Variants in PCDHAC1 observed in about 807,000 individuals in gnomAD.
PCDHAC1 encodes protocadherin alpha subfamily C, 1, also known as protocadherin alpha-C1.
PCDHAC1 carries 42 observed loss-of-function variants against 60.0 expected under a neutral mutation model. That is an observed-to-expected ratio of 0.70 (90% CI 0.55 to 0.90). The LOEUF (loss-of-function observed/expected upper bound fraction) is 0.90. Ranked by LOEUF, PCDHAC1 falls within the 40% of genes least tolerant of loss-of-function variation. The pLI is 0.00. For missense variants in PCDHAC1, 1,160 were observed against 1,222.3 expected (o/e 0.95, Z 0.76); for synonymous variants, 468 against 499.3 (o/e 0.94, Z 0.84).
Position 140,929,272 on chromosome 5 carries a change from T to G in PCDHAC1, c.2380T>G (p.Ser794Ala), listed in dbSNP as rs560527071. ...ATGVGLNLPI[S>A]CIQIRNRKGD... is the part of the protein sequence containing the mutation. Reference sequence around the variant, plus strand: ...TGGGGTAGGACTGAATTTGCCAATATCCTGTATTCAGATTCGGAATAGGAA... The same window carrying G: ...TGGGGTAGGACTGAATTTGCCAATAGCCTGTATTCAGATTCGGAATAGGAA... Residue 794 changes from serine to alanine, a missense_variant, in exon 1 of 4, where the codon TCC becomes GCC. By Grantham distance (99) the Ser-to-Ala change is moderately conservative. This residue lies in a region of PCDHAC1 where 1,113 missense variants were observed against 1,163.7 expected (regional missense o/e 0.96). Transcript: ENST00000253807. The G allele has an allele frequency of 1.3e-4, 206 of 1,607,152 alleles. 1 individual carries two copies. The South Asian group carries it at 2.1e-3, about 17-fold the overall frequency.
chr5:141,004,750 C>T (rs1205050665), intron 3 of PCDHAC1, among the ~76,000 whole-genome samples: 1 of 152,112 alleles, frequency 6.6e-6, no homozygotes, highest in Non-Finnish European at 1.5e-5. Flanking sequence ...GTCTCAGTCT[C>T]TTAGAGACAG....
At chr5:140,976,691 C>G (rs1219355793) in intron 1 of PCDHAC1, among the ~76,000 whole-genome samples, 1 of 152,126 alleles carries the variant, frequency 6.6e-6, no homozygotes. Context: ...AATTTAAGTA[C>G]AATAATGTTG....
At chr5:140,972,917 C>T (rs1279060017) in intron 1 of PCDHAC1, among the ~76,000 whole-genome samples, 1 of 152,074 alleles carries the variant, frequency 6.6e-6, no homozygotes, top group Non-Finnish European at 1.5e-5. Context: ...CCGCCTTGGC[C>T]TCCCAAAGTG....
intron 1 of PCDHAC1, among the ~76,000 whole-genome samples, chr5:140,966,026 G>C (rs1586101729): frequency 6.6e-6 from 1 of 152,290 alleles, no homozygotes; most frequent in Non-Finnish European, 1.5e-5. Context: ...TGGGAGTCAG[G>C]TGAATAGTTC....
intron 1 of PCDHAC1, among the ~76,000 whole-genome samples, chr5:140,955,335 A>G (rs538609650): frequency 6.6e-6 from 1 of 152,266 alleles, no homozygotes; most frequent in South Asian, 2.1e-4. Flanking sequence ...AGTTCCCATA[A>G]TCCCCACATG....
chr5:140,991,875 G>A (rs2097477734), intron 3 of PCDHAC1, among the ~76,000 whole-genome samples: 1 of 152,092 alleles, frequency 6.6e-6, no homozygotes, highest in South Asian at 2.1e-4. Context: ...AGTTTCCTAG[G>A]GCTGCCATAA....
chr5:140,949,639 T>C (rs1563239072), intron 1 of PCDHAC1, among the ~76,000 whole-genome samples: 1 of 152,036 alleles, frequency 6.6e-6, no homozygotes, highest in East Asian at 1.9e-4. Flanking sequence ...ATATTGCTTT[T>C]TGTTCATTTT....
chr5:141,009,992 C>G lies in PCDHAC1; in HGVS notation c.*55C>G. 1 of 1,578,492 alleles carries G rather than the reference C, an allele frequency of 6.3e-7. No homozygotes were observed. On this transcript the variant is annotated 3_prime_UTR_variant, in exon 4 of 4. Transcript: ENST00000253807. ...CAGTTTTTGTAATAATGGCAAATCT[C>G]TCCCATGTAGCAATTCCCTGCTCCT...
rs112671808 is a variant in PCDHAC1 at position 140,928,533 on chromosome 5, T to C, written c.1641T>C (p.Asp547=). 6.2e-7 allele frequency: 1 copy of C among 1,614,230 alleles called. No homozygotes were observed. Among genetic ancestry groups the C allele is most frequent in the African/African-American group, 1.3e-5 (1 of 75,062 alleles). ...TGACTATAAACTTGTTTGTGGTAGA[T>C]AGGAATGACAATTATCCGGTTATCT... is the stretch of plus-strand genomic sequence containing the variant. The part of the protein sequence containing the change: ...ATVTINLFVV[D]RNDNYPVILF... The change falls in exon 1 of 4, where the codon GAT becomes GAC. Residue 547 remains aspartate (D), a synonymous_variant. Transcript: ENST00000253807.
intron 2 of PCDHAC1, 157 bp from the exon 3 acceptor site, chr5:140,982,318 G>C (rs2096977750): frequency 6.6e-6 from 9 of 1,356,910 alleles, no homozygotes; most frequent in Non-Finnish European, 8.8e-6. Flanking sequence ...AGTTTATGCA[G>C]GGTGACTGCT....
rs556069691 is a variant in PCDHAC1 at position 140,951,526 on chromosome 5, G to A, written c.2433+22201G>A. Among the ~76,000 whole-genome samples the A allele has an allele frequency of 7.4e-4, 112 of 152,076 alleles. 1 individual carries two copies. The highest frequency in any genetic ancestry group is 2.6e-3 in the African/African-American group (107 of 41,516). ...GGAAAGCGGCTCATCTTACATGGCC[G>A]GTGCAGGAGCAAGGGACGGGGGGAA... is the stretch of plus-strand genomic sequence containing the variant. On this transcript the variant is annotated intron_variant, in intron 1 of 3. Transcript: ENST00000253807.
At position 140,971,724 on chromosome 5, in the gene PCDHAC1, C is replaced by T. The variant is rs1489489083; in HGVS notation, c.2434-7225C>T. On this transcript the variant is annotated intron_variant, in intron 1 of 3. Coordinates refer to ENST00000253807, the MANE Select transcript of PCDHAC1 (RefSeq NM_018898.5). ...CCCTGCTATATAGATATATGTATAT[C>T]ATACATATACACATACATATATCTC... 2.0e-5 allele frequency among the ~76,000 whole-genome samples: 3 copies of T among 151,776 alleles called. No homozygotes were observed. The East Asian group carries it at 5.8e-4, about 29-fold the overall frequency.
At position 140,927,297 on chromosome 5, in the gene PCDHAC1, G is replaced by C; in HGVS notation, c.405G>C (p.Glu135Asp). 1 of 1,614,150 alleles carries C rather than the reference G, an allele frequency of 6.2e-7. No individual in the cohort carries two copies. The highest frequency in any genetic ancestry group is 8.5e-7 in the Non-Finnish European group (1 of 1,180,034). ...PAGDVQLHIP[E>D]FLTPGARFTL... is the part of the protein sequence containing the mutation. ...GCGACGTGCAGCTGCACATCCCCGAGTTCCTGACGCCCGGAGCCCGCTTTA... is the reference window on the plus strand; with the variant it reads ...GCGACGTGCAGCTGCACATCCCCGACTTCCTGACGCCCGGAGCCCGCTTTA... Residue 135 changes from glutamate to aspartate, a missense_variant, in exon 1 of 4, where the codon GAG (glutamate) becomes GAC (aspartate). Physicochemically the swap from Glu to Asp is conservative, Grantham distance 45. Coordinates refer to ENST00000253807, the MANE Select transcript of PCDHAC1 (RefSeq NM_018898.5).
At position 140,927,125 on chromosome 5, in the gene PCDHAC1, G is replaced by C. The variant is rs782734791; in HGVS notation, c.233G>C (p.Arg78Thr). The C allele has an allele frequency of 6.2e-7, 1 of 1,614,076 alleles. No homozygotes were observed. The highest frequency in any genetic ancestry group is 1.7e-5 in the Admixed American group (1 of 60,028). Residue 78 changes from arginine to threonine, a missense_variant, in exon 1 of 4, where the codon AGA becomes ACA. Arg to Thr is a moderately conservative substitution (Grantham distance 71, BLOSUM62 -1). Transcript: ENST00000253807. Reference sequence around the variant, plus strand: ...CTACCCAGCGGCAATTTGGTGGTCAGAGAGCCGGCGGACCGCGAACAGCTG... The same window carrying C: ...CTACCCAGCGGCAATTTGGTGGTCACAGAGCCGGCGGACCGCGAACAGCTG... ...VDLPSGNLVV[R>T]EPADREQLCR...
At chr5:140,929,508 A>T in intron 1 of PCDHAC1, 183 bp downstream of exon 1, 1 of 831,408 alleles carries the variant, frequency 1.2e-6, no homozygotes, top group Non-Finnish European at 1.7e-6. Context: ...CCTAGGCCTC[A>T]AGGGACTTAT....
At chr5:140,941,198 T>TCTTC (rs202127003) in intron 1 of PCDHAC1, among the ~76,000 whole-genome samples, 5 of 119,810 alleles carry the variant, frequency 4.2e-5, no homozygotes, top group Non-Finnish European at 7.0e-5. Flanking sequence ...TTTTTTTCTT[T>TCTTC]CTTCCTTTCT....
At chr5:140,986,673 A>G (rs782404000) in intron 3 of PCDHAC1, among the ~76,000 whole-genome samples, 2 of 152,168 alleles carry the variant, frequency 1.3e-5, no homozygotes. Context: ...TTTTCAGAAG[A>G]GTTCAGAAAG....
chr5:141,001,089 C>G (rs972790418), intron 3 of PCDHAC1, among the ~76,000 whole-genome samples: 2 of 152,042 alleles, frequency 1.3e-5, no homozygotes, highest in Admixed American at 1.3e-4. Flanking sequence ...ACCCCATAAA[C>G]TGTCTAATCC....
In PCDHAC1 at chr5:140,941,217, T is replaced by TTC. The variant is rs1483555953; in HGVS notation, c.2433+11894_2433+11895dup. Among the ~76,000 whole-genome samples, 308 of 126,180 alleles carry TTC rather than the reference T, an allele frequency of 2.4e-3. 1 individual carries two copies. Among genetic ancestry groups the TTC allele is most frequent in the African/African-American group, 9.4e-3 (294 of 31,220 alleles). The allele number at this position is 126,180 out of a possible 152,430, so 82.8% of individuals were successfully genotyped here. On this transcript the variant is annotated intron_variant, in intron 1 of 3. Coordinates refer to ENST00000253807, the MANE Select transcript of PCDHAC1 (RefSeq NM_018898.5). ...TTTCTTTCTTCCTTTCTTTCTTCCT[T>TTC]TCTTTCTTTCTTTCTTTCTTTCTTT...
Sources: allele counts gnomAD v4.1 joint callset (sites outside exome capture counted in the v4.1 genomes callset), GRCh38; gene constraint gnomAD v4.1.1; regional missense constraint gnomAD v4.1.1; transcripts MANE v1.5; gene names NCBI Gene and HGNC (gene_info 2026-07-23, HGNC 2026-07-21).